KRI1: variants seen among roughly 807,000 people sequenced by gnomAD.
KRI1 encodes the protein protein KRI1 homolog.
KRI1 carries 83 observed loss-of-function variants against 97.0 expected under a neutral mutation model. The observed-to-expected ratio is 0.86, with a 90% CI of 0.72 to 1.03. The LOEUF (loss-of-function observed/expected upper bound fraction) is 1.03, where lower values mean the gene tolerates loss of function less well. KRI1 is among the 50% of genes least tolerant of loss of function. The pLI is 0.00. For missense variants in KRI1, 916 were observed against 928.4 expected (o/e 0.99, Z 0.17); for synonymous variants, 371 against 363.5 (o/e 1.02, Z -0.23).
chr19:10,565,197 G>A lies in KRI1; in HGVS notation c.169-163C>T, dbSNP rs555159550. 383 of 646,824 alleles carry A rather than the reference G, an allele frequency of 5.9e-4. 1 individual carries two copies. The highest frequency in any genetic ancestry group is 2.7e-3 in the Middle Eastern group (7 of 2,546). The allele number at this position is 646,824 out of a possible 1,614,324, so 40.1% of individuals were successfully genotyped here. On this transcript the variant is annotated intron_variant, in intron 2 of 18. Coordinates refer to ENST00000312962, the MANE Select transcript of KRI1 (RefSeq NM_023008.5). ...GCAGGAGGGAGAGGGGCCCTCTTGG[G>A]GTGGGCAGGGGCAGGCCACAGGTAG...
chr19:10,557,881 G>A lies in KRI1; in HGVS notation c.1374C>T (p.Tyr458=), dbSNP rs774450102. Reference sequence around the variant, plus strand: ...TTTTCTTCCTCGGCTGGCTGGGGTCGTAGTCGGCGTCCATCTGCCAGGACG... The same window carrying A: ...TTTTCTTCCTCGGCTGGCTGGGGTCATAGTCGGCGTCCATCTGCCAGGACG... ...EDPNFNMDAD[Y]DPSQPRKKKR... The change falls in exon 15 of 19, where the codon TAC becomes TAT. Residue 458 remains tyrosine (Y), a synonymous_variant. Transcript: ENST00000312962. 81 of 1,613,276 alleles carry A rather than the reference G, an allele frequency of 5.0e-5. 1 individual carries two copies. The East Asian group carries it at 1.0e-3, about 20-fold the overall frequency.
At chr19:10,562,320 T>G (rs183696563) in intron 4 of KRI1, among the ~76,000 whole-genome samples, 2 of 151,884 alleles carry the variant, frequency 1.3e-5, no homozygotes, top group Non-Finnish European at 2.9e-5. Context: ...AAGGTGCTGG[T>G]ATTACAGGCA....
In KRI1 at chr19:10,553,406, C is replaced by A. The variant is rs1354225069; in HGVS notation, c.*545G>T. 1 of 247,514 alleles carries A rather than the reference C, an allele frequency of 4.0e-6. No individual in the cohort carries two copies. The highest frequency in any genetic ancestry group is 8.1e-5 in the East Asian group (1 of 12,364). 15.3% of individuals were successfully genotyped at this position (247,514 alleles called of 1,614,324 possible). ...CTGTGGCTGCTGGGGGCCAATAAAG[C>A]TGTGTAACTTGATCGTGGGTGTGGC... On this transcript the variant is annotated 3_prime_UTR_variant, in exon 19 of 19. Coordinates refer to ENST00000312962, the MANE Select transcript of KRI1 (RefSeq NM_023008.5).
At chr19:10,560,653 C>A (rs1421940503) in intron 8 of KRI1, among the ~76,000 whole-genome samples, 1 of 152,164 alleles carries the variant, frequency 6.6e-6, no homozygotes, top group Non-Finnish European at 1.5e-5. Context: ...GCAGACCCAA[C>A]CTCCCGGGCT....
intron 1 of KRI1, 28 bp from the exon 2 acceptor site, chr19:10,565,818 C>CCCA (rs1916854885): frequency 1.3e-6 from 2 of 1,549,966 alleles, no homozygotes; most frequent in African/African-American, 1.4e-5. Context: ...GATGCCCCCC[C>CCCA]CCAGGTCAGC....
chr19:10,558,452 C>T (rs996132048), intron 12 of KRI1, among the ~76,000 whole-genome samples: 4 of 152,112 alleles, frequency 2.6e-5, no homozygotes, highest in East Asian at 1.9e-4. Flanking sequence ...ATGTACTGGC[C>T]GCCATTCAGT....
intron 3 of KRI1, among the ~76,000 whole-genome samples, chr19:10,563,622 C>T (rs1916766254): frequency 1.3e-5 from 2 of 151,908 alleles, no homozygotes; most frequent in Admixed American, 1.3e-4. Flanking sequence ...GCTAGGATTA[C>T]AGGCATGAGC....
At chr19:10,565,690 C>G in intron 2 of KRI1, 27 bp downstream of exon 2, 1 of 1,551,858 alleles carries the variant, frequency 6.4e-7, no homozygotes, top group Non-Finnish European at 8.7e-7. Context: ...CGCCTCCGCA[C>G]GTCCAGGACG....
Position 10,554,377 on chromosome 19 carries a change from CAT to C in KRI1, c.1782-98_1782-97del, listed in dbSNP as rs912042030. On this transcript the variant is annotated intron_variant, in intron 18 of 18. Transcript: ENST00000312962. The stretch of plus-strand genomic sequence containing the variant: ...ATTTTACAGACAGGGAAAGGAGGGG[CAT>C]AGTGAAGCAGCCGCACAGCGACCGA... 6.4e-5 allele frequency: 69 copies of C among 1,082,016 alleles called. 2 individuals are homozygous for C. In the South Asian group the frequency reaches 8.6e-4, roughly 14 times the overall value. 67.0% of individuals were successfully genotyped at this position (1,082,016 alleles called of 1,614,324 possible). A position where few individuals can be genotyped will look rare whatever the true frequency, so the allele number is the denominator to read the frequency against.
chr19:10,558,993 C>CG, intron 12 of KRI1, among the ~76,000 whole-genome samples: 1 of 147,608 alleles, frequency 6.8e-6, no homozygotes, highest in South Asian at 2.2e-4. Flanking sequence ...GTGTGAGCCA[C>CG]TGCACCCGGC....
In KRI1 at chr19:10,555,156, C is replaced by A. The variant is rs754175130; in HGVS notation, c.1712G>T (p.Arg571Leu). Reference sequence around the variant, plus strand: ...GTTCTGGGCCTTCTGGCTGTACGCCCGCTTGTCCCGCAGCTCCTCCTGCTC... The same window carrying A: ...GTTCTGGGCCTTCTGGCTGTACGCCAGCTTGTCCCGCAGCTCCTCCTGCTC... ...RSEQEELRDKRAYSQKAQNSW... is the reference protein window; with the variant it reads ...RSEQEELRDKLAYSQKAQNSW... Residue 571 changes from arginine to leucine, a missense_variant, in exon 18 of 19, where the codon CGG becomes CTG. Coordinates refer to ENST00000312962, the MANE Select transcript of KRI1 (RefSeq NM_023008.5). 3 of 1,612,770 alleles carry A rather than the reference C, an allele frequency of 1.9e-6. No individual in the cohort carries two copies. The East Asian group carries it at 6.7e-5, about 36-fold the overall frequency.
chr19:10,565,270 C>A (rs1205724131), intron 2 of KRI1: 2 of 569,622 alleles, frequency 3.5e-6, no homozygotes, highest in Non-Finnish European at 6.2e-6. Context: ...GAAGGTAATT[C>A]CTGGGGAAGA....
At chr19:10,562,971 G>T in intron 3 of KRI1, 134 bp from the exon 4 acceptor site, 1 of 630,800 alleles carries the variant, frequency 1.6e-6, no homozygotes, top group Non-Finnish European at 2.9e-6. Context: ...CTGTCCAAGA[G>T]TATTGTGCTT....
rs1330930358 is a variant in KRI1, at chr19:10,561,040, T to C, written c.626A>G (p.Gln209Arg). ...GGAATCTGGGTTCCGAATCTCTTTC[T>C]GTCCCTTCAGCCACTCGATGTAGTC... ...EADYIEWLKG[Q>R]KEIRNPDSLK... Residue 209 changes from glutamine (Q) to arginine (R), a missense_variant, in exon 8 of 19, where the codon CAG becomes CGG. Transcript: ENST00000312962. 7 of 1,614,108 alleles carry C rather than the reference T, an allele frequency of 4.3e-6. No homozygotes were observed. In the Admixed American group the frequency reaches 1.0e-4, roughly 23 times the overall value.
Position 10,553,222 on chromosome 19 carries a change from CA to C in KRI1, c.*728del. ...CAGTCTGGGGCCATTCAGCCAGGGA[CA>C]GAGCCCACAGAGCCCATACACCTGT... On this transcript the variant is annotated 3_prime_UTR_variant, in exon 19 of 19. Transcript: ENST00000312962. 1.1e-6 allele frequency: 1 copy of C among 913,796 alleles called. No homozygotes were observed. The highest frequency in any genetic ancestry group is 1.9e-5 in the South Asian group (1 of 53,880). 56.6% of individuals were successfully genotyped at this position (913,796 alleles called of 1,614,324 possible).
At chr19:10,559,232 T>G (rs1045274709) in intron 12 of KRI1, 127 bp downstream of exon 12, 1 of 990,794 alleles carries the variant, frequency 1.0e-6, no homozygotes, top group African/African-American at 1.6e-5. Context: ...CTCGAACTCC[T>G]GACCTCAGGT....
At chr19:10,563,122 C>A (rs1425104857) in intron 3 of KRI1, among the ~76,000 whole-genome samples, 1 of 152,034 alleles carries the variant, frequency 6.6e-6, no homozygotes, top group Non-Finnish European at 1.5e-5. Flanking sequence ...ATGGCATGAT[C>A]TCGGCTCACT....
At chr19:10,554,826 C>T (rs539037988) in intron 18 of KRI1, among the ~76,000 whole-genome samples, 1 of 151,874 alleles carries the variant, frequency 6.6e-6, no homozygotes, top group Non-Finnish European at 1.5e-5. Flanking sequence ...AATCACTTTA[C>T]GAGAATTAAC....
chr19:10,565,590 A>C, intron 2 of KRI1, 127 bp downstream of exon 2: 2 of 1,185,400 alleles, frequency 1.7e-6, no homozygotes, highest in East Asian at 2.8e-5. Context: ...TGGGATGGGG[A>C]GCGGAGGATG....
Sources: allele counts gnomAD v4.1 joint callset (sites outside exome capture counted in the v4.1 genomes callset), GRCh38; gene constraint gnomAD v4.1.1; transcripts MANE v1.5; gene names NCBI Gene and HGNC (gene_info 2026-07-23, HGNC 2026-07-21).